The following OSBPL10 variants were observed in gnomAD, a reference collection of about 807,000 sequenced individuals.
The protein encoded by OSBPL10 is oxysterol-binding protein-related protein 10.
In OSBPL10, 49 loss-of-function variants were observed where a neutral mutation model predicts 81.7. The observed-to-expected ratio is 0.60, with a 90% CI of 0.48 to 0.76. The LOEUF (loss-of-function observed/expected upper bound fraction) is 0.76. Among genes scored for constraint, OSBPL10 ranks in the 30% least tolerant of loss-of-function variants. The probability of loss-of-function intolerance (pLI) is 0.00; values close to 1 mark genes in which losing one functional copy is unlikely to be tolerated. For missense variants in OSBPL10, 923 were observed against 987.8 expected, an observed-to-expected ratio of 0.93 and a Z score of 0.88; for synonymous variants, 419 against 383.6, an observed-to-expected ratio of 1.09 and a Z score of -1.08.
chr3:31,806,016 C>T (rs925897963), intron 4 of OSBPL10, among the ~76,000 whole-genome samples: 15 of 152,202 alleles, frequency 9.9e-5, no homozygotes, highest in African/African-American at 3.1e-4. Flanking sequence ...GTCTAAAGCA[C>T]TCTTCATAGG....
At chr3:31,880,382 C>T (rs1286666547) in intron 1 of OSBPL10, among the ~76,000 whole-genome samples, 2 of 152,228 alleles carry the variant, frequency 1.3e-5, no homozygotes, top group South Asian at 2.1e-4. Flanking sequence ...CCCATTCACA[C>T]GAAGGCAAGG....
chr3:31,953,076 C>G (rs530017003), intron 1 of OSBPL10, among the ~76,000 whole-genome samples: 1 of 151,396 alleles, frequency 6.6e-6, no homozygotes, highest in Non-Finnish European at 1.5e-5. Context: ...GGATTACAGG[C>G]GCCCACCACC....
At chr3:31,917,131 G>A (rs191886980) in intron 1 of OSBPL10, among the ~76,000 whole-genome samples, 241 of 152,184 alleles carry the variant, frequency 1.6e-3, no homozygotes, top group African/African-American at 5.5e-3. Flanking sequence ...AGACAAAGTC[G>A]GTGTCACAGC....
intron 3 of OSBPL10, among the ~76,000 whole-genome samples, chr3:31,851,319 G>A (rs1055413829): frequency 3.0e-4 from 45 of 152,186 alleles, no homozygotes; most frequent in Non-Finnish European, 5.4e-4. Flanking sequence ...AGCCAGAGAC[G>A]TGAAGGAGAG....
intron 6 of OSBPL10, among the ~76,000 whole-genome samples, chr3:31,713,184 G>A (rs1174080377): frequency 6.6e-6 from 1 of 151,832 alleles, no homozygotes; most frequent in African/African-American, 2.4e-5. Context: ...TGTGGCCCGT[G>A]AGGCCCTACA....
At chr3:31,998,411 G>T (rs1699111956) in intron 2 of OSBPL10, among the ~76,000 whole-genome samples, 2 of 152,134 alleles carry the variant, frequency 1.3e-5, no homozygotes, top group East Asian at 3.9e-4. Flanking sequence ...TAGTAAGGGA[G>T]AATTATTGGT....
Position 32,060,878 on chromosome 3 carries a change from C to T in OSBPL10, n.186-14275G>A, listed in dbSNP as rs1341069543. ...ATCTCAGCTACTCGGGAGGCTGAGG[C>T]GGGAGAACCGCTTGAACCTGGGAGG... On this transcript the variant is annotated intron_variant and non_coding_transcript_variant, in intron 1 of 3. Coordinates refer to the OSBPL10 transcript ENST00000479173. 2.0e-4 allele frequency among the ~76,000 whole-genome samples: 17 copies of T among 85,984 alleles called. 2 individuals carry two copies. Among genetic ancestry groups the T allele is most frequent in the African/African-American group, 4.7e-4 (16 of 33,838 alleles). The allele number at this position is 85,984 out of a possible 152,430, so 56.4% of individuals were successfully genotyped here.
At chr3:31,942,323 G>A (rs986040303) in intron 1 of OSBPL10, among the ~76,000 whole-genome samples, 7 of 151,644 alleles carry the variant, frequency 4.6e-5, no homozygotes, top group Non-Finnish European at 8.8e-5. Flanking sequence ...AGGCCAAGGC[G>A]GGCGGATCAG....
intron 2 of OSBPL10, among the ~76,000 whole-genome samples, chr3:32,021,833 G>T (rs1405188416): frequency 6.6e-6 from 1 of 151,966 alleles, no homozygotes; most frequent in Non-Finnish European, 1.5e-5. Flanking sequence ...AAAAAAATTA[G>T]CTGGGCATGG....
intron 11 of OSBPL10, chr3:31,662,406 A>C (rs1273174645): frequency 8.7e-7 from 1 of 1,150,306 alleles, no homozygotes; most frequent in Non-Finnish European, 1.1e-6. Flanking sequence ...AAAAAGAAGC[A>C]CTTTGACAGT....
chr3:31,942,405 C>T (rs1336512244), intron 1 of OSBPL10, among the ~76,000 whole-genome samples: 2 of 97,794 alleles, frequency 2.0e-5, no homozygotes, highest in African/African-American at 2.9e-5. Flanking sequence ...AGCTGGGTGG[C>T]GGGCACCTGT....
chr3:31,741,973 G>C (rs1045176826), intron 5 of OSBPL10, among the ~76,000 whole-genome samples: 3 of 152,220 alleles, frequency 2.0e-5, no homozygotes, highest in African/African-American at 7.2e-5. Context: ...GCCCTCCTCA[G>C]CCATGTGGAA....
At chr3:31,720,187 C>T (rs1452410076) in intron 6 of OSBPL10, among the ~76,000 whole-genome samples, 2 of 145,982 alleles carry the variant, frequency 1.4e-5, no homozygotes, top group African/African-American at 2.4e-5. Flanking sequence ...TGACTTTCTA[C>T]AGGTTTCTAC....
chr3:31,803,934 T>C (rs1294798186), intron 4 of OSBPL10, among the ~76,000 whole-genome samples: 1 of 152,222 alleles, frequency 6.6e-6, no homozygotes, highest in Non-Finnish European at 1.5e-5. Flanking sequence ...TTGGTTGCGG[T>C]GGTGTCCACT....
intron 1 of OSBPL10, among the ~76,000 whole-genome samples, chr3:31,975,750 C>T (rs1258385627): frequency 6.6e-6 from 1 of 152,244 alleles, no homozygotes; most frequent in Non-Finnish European, 1.5e-5. Flanking sequence ...ATAGCTAACA[C>T]TGGCTCAAAT....
intron 4 of OSBPL10, among the ~76,000 whole-genome samples, chr3:31,775,098 A>T (rs1208670906): frequency 6.6e-6 from 1 of 152,034 alleles, no homozygotes; most frequent in Non-Finnish European, 1.5e-5. Flanking sequence ...TTTGAACTCA[A>T]GAGGCAGAGG....
At chr3:31,730,172 C>A (rs55682728) in intron 6 of OSBPL10, among the ~76,000 whole-genome samples, 11,303 of 152,148 alleles carry the variant, frequency 0.074, 569 homozygotes, top group East Asian at 0.13. Flanking sequence ...GAAACCCCGT[C>A]TCTACTAAAG....
chr3:31,939,163 G>A (rs1435586622), intron 1 of OSBPL10, among the ~76,000 whole-genome samples: 1 of 54,540 alleles, frequency 1.8e-5, no homozygotes, highest in Non-Finnish European at 3.7e-5. Flanking sequence ...TTTTTTTTTT[G>A]AGACAGAGTT....
chr3:31,670,223 G>A (rs1369394432), intron 9 of OSBPL10, among the ~76,000 whole-genome samples: 1 of 152,202 alleles, frequency 6.6e-6, no homozygotes, highest in African/African-American at 2.4e-5. Context: ...AAAGATGGAA[G>A]TTTGTTTGTA....
Sources: allele counts gnomAD v4.1 joint callset (sites outside exome capture counted in the v4.1 genomes callset), GRCh38; gene constraint gnomAD v4.1.1; transcripts MANE v1.5; gene names NCBI Gene and HGNC (gene_info 2026-07-23, HGNC 2026-07-21).